AASS: variants seen among roughly 807,000 people sequenced by gnomAD.
AASS encodes the protein aminoadipate-semialdehyde synthase.
Under a neutral mutation model 105.4 loss-of-function variants are expected in AASS, and 86 were observed. The observed-to-expected ratio is 0.82, with a 90% confidence interval of 0.69 to 0.98. The LOEUF is 0.98. Ranked by LOEUF, AASS falls within the 50% of genes least tolerant of loss-of-function variation. The probability of loss-of-function intolerance (pLI) is 0.00; values close to 1 mark genes in which losing one functional copy is unlikely to be tolerated. For synonymous variants in AASS, 381 were observed against 394.8 expected (o/e 0.96, Z 0.41); for missense variants, 1,048 against 1,143.2 (o/e 0.92, Z 1.20).
At chr7:122,081,356 G>A in intron 20 of AASS, 144 bp downstream of exon 20, 2 of 759,070 alleles carry the variant, frequency 2.6e-6, no homozygotes, top group Non-Finnish European at 4.8e-6. Flanking sequence ...TGAAGGGAAA[G>A]GGGGCTTTGG....
At position 122,074,180 on chromosome 7, in the gene AASS, T is replaced by C. The variant is rs1192233260; in HGVS notation, c.*2309A>G. Among the ~76,000 whole-genome samples, 1 of 152,166 alleles carries C rather than the reference T, an allele frequency of 6.6e-6. No homozygotes were observed. Among genetic ancestry groups the C allele is most frequent in the African/African-American group, 2.4e-5 (1 of 41,476 alleles). On this transcript the variant is annotated 3_prime_UTR_variant, in exon 24 of 24. Transcript: ENST00000417368. Reference sequence around the variant, plus strand: ...GATTATATATCTATTCCAGTGAGTGTTAAGTGATATCTCATTGTAGATCTC... The same window carrying C: ...GATTATATATCTATTCCAGTGAGTGCTAAGTGATATCTCATTGTAGATCTC...
chr7:122,133,842 A>T (rs1160537309), intron 1 of AASS, 101 bp from the exon 2 acceptor site: 3 of 994,534 alleles, frequency 3.0e-6, no homozygotes, highest in Non-Finnish European at 4.7e-6. Context: ...ACCCGCTCTT[A>T]TGAAAACAGA....
At chr7:122,123,931 A>G (rs1371554135) in intron 4 of AASS, among the ~76,000 whole-genome samples, 4 of 152,168 alleles carry the variant, frequency 2.6e-5, no homozygotes, top group Non-Finnish European at 5.9e-5. Flanking sequence ...AAAGAACTGA[A>G]TCACTGTCCA....
At chr7:122,130,424 T>C (rs919332832) in intron 2 of AASS, among the ~76,000 whole-genome samples, 1 of 151,982 alleles carries the variant, frequency 6.6e-6, no homozygotes, top group African/African-American at 2.4e-5. Flanking sequence ...ACAAGACTTA[T>C]TGGGTAATAA....
chr7:122,132,568 T>G (rs1795961106), intron 2 of AASS, among the ~76,000 whole-genome samples: 1 of 152,158 alleles, frequency 6.6e-6, no homozygotes, highest in Admixed American at 6.5e-5. Flanking sequence ...TGTAACCACC[T>G]CAACCAAGTG....
At position 122,075,766 on chromosome 7, in the gene AASS, C is replaced by A. The variant is rs935172515; in HGVS notation, c.*723G>T. On this transcript the variant is annotated 3_prime_UTR_variant, in exon 24 of 24. Transcript: ENST00000417368. ...ACACTCAAGAGAAAACTATAAGGAACTATATTTACAAAATAAATCATAACT... is the reference window on the plus strand; with the variant it reads ...ACACTCAAGAGAAAACTATAAGGAAATATATTTACAAAATAAATCATAACT... 24 of 152,150 alleles carry A rather than the reference C, an allele frequency of 1.6e-4. No individual in the cohort carries two copies. Among genetic ancestry groups the A allele is most frequent in the African/African-American group, 5.5e-4 (23 of 41,510 alleles). 9.4% of individuals were successfully genotyped at this position (152,150 alleles called of 1,614,324 possible).
chr7:122,141,203 T>C (rs1168280913), intron 1 of AASS, among the ~76,000 whole-genome samples: 1 of 152,194 alleles, frequency 6.6e-6, no homozygotes, highest in Non-Finnish European at 1.5e-5. Flanking sequence ...TAAAATACTT[T>C]ACTGGATTAA....
chr7:122,104,425 G>A (rs1468098128), intron 11 of AASS, among the ~76,000 whole-genome samples: 3 of 151,938 alleles, frequency 2.0e-5, no homozygotes, highest in Non-Finnish European at 4.4e-5. Flanking sequence ...GTGAAACCCT[G>A]TCTCTACTAA....
chr7:122,113,106 C>G lies in AASS; in HGVS notation c.1278+12G>C. The G allele has an allele frequency of 6.3e-7, 1 of 1,596,054 alleles. No individual in the cohort carries two copies. The highest frequency in any genetic ancestry group is 1.7e-5 in the Admixed American group (1 of 59,978). ...GCCACAGAGTTGTTACTGATATTAC[C>G]AGTCTGCTTACCATTTCTTCAACAT... is the stretch of plus-strand genomic sequence containing the variant. On this transcript the variant is annotated intron_variant, in intron 11 of 23. Coordinates refer to ENST00000417368, the MANE Select transcript of AASS (RefSeq NM_005763.4).
chr7:122,126,501 T>C (rs750454443), intron 3 of AASS, 42 bp from the exon 4 acceptor site: 7 of 1,524,320 alleles, frequency 4.6e-6, no homozygotes, highest in Non-Finnish European at 6.4e-6. Context: ...CCCATTAAGC[T>C]TAATTTTAAC....
chr7:122,098,055 T>C (rs1214200239), intron 15 of AASS, among the ~76,000 whole-genome samples: 1 of 151,962 alleles, frequency 6.6e-6, no homozygotes, highest in Non-Finnish European at 1.5e-5. Flanking sequence ...ACTCTTGTAA[T>C]CACAACATTG....
intron 4 of AASS, among the ~76,000 whole-genome samples, chr7:122,124,364 C>A (rs544430251): frequency 6.6e-6 from 1 of 152,104 alleles, no homozygotes. Flanking sequence ...CTTCCTGCAA[C>A]CTCCACCTCT....
chr7:122,093,181 T>C (rs771347115), intron 15 of AASS, 23 bp from the exon 16 acceptor site: 2 of 1,535,288 alleles, frequency 1.3e-6, no homozygotes, highest in Admixed American at 1.7e-5. Context: ...AAGAAACTAA[T>C]CAGAAACTCC....
chr7:122,107,950 C>A (rs1170324662), intron 11 of AASS, among the ~76,000 whole-genome samples: 16 of 107,886 alleles, frequency 1.5e-4, no homozygotes, highest in Admixed American at 2.9e-4. Context: ...ACCCACAACT[C>A]AAAAAAAAAA....
Position 122,081,575 on chromosome 7 carries a change from A to T in AASS, c.2205T>A (p.Asn735Lys), listed in dbSNP as rs1335856260. Reference sequence around the variant, plus strand: ...TTATAAGACCTAATTTTACAAATCCATTCAAAGCTTTCATATATCCCTGAA... The same window carrying T: ...TTATAAGACCTAATTTTACAAATCCTTTCAAAGCTTTCATATATCCCTGAA... ...LRYKGYMKAL[N>K]GFVKLGLINR... Residue 735 changes from asparagine (N) to lysine (K), a missense_variant, in exon 20 of 24, where the codon AAT becomes AAA. Physicochemically the swap from Asn to Lys is moderately conservative, Grantham distance 94. Transcript: ENST00000417368. 1 of 1,613,646 alleles carries T rather than the reference A, an allele frequency of 6.2e-7. No individual in the cohort carries two copies. Among genetic ancestry groups the T allele is most frequent in the South Asian group, 1.1e-5 (1 of 91,076 alleles).
intron 19 of AASS, chr7:122,082,794 G>A: frequency 7.8e-7 from 1 of 1,286,386 alleles, no homozygotes; most frequent in Non-Finnish European, 1.0e-6. Flanking sequence ...TCACATAGAT[G>A]GGGCTGGGTG....
At position 122,101,418 on chromosome 7, in the gene AASS, A is replaced by G. The variant is rs778445624; in HGVS notation, c.1359T>C (p.Gly453=). Residue 453 remains glycine (G), a synonymous_variant, in exon 13 of 24, where the codon GGT becomes GGC. Coordinates refer to ENST00000417368, the MANE Select transcript of AASS (RefSeq NM_005763.4). ...VVRDAVITSN[G]TLPDKYKYIQ... ...TATATTTATATTTATCAGGTAATGT[A>G]CCGTTGGATGTAATCACTGCCTAAA... is the stretch of plus-strand genomic sequence containing the variant. The G allele has an allele frequency of 3.1e-6, 5 of 1,610,600 alleles. No homozygotes were observed. The highest frequency in any genetic ancestry group is 2.2e-5 in the East Asian group (1 of 44,782).
chr7:122,098,407 A>G (rs761406603), intron 15 of AASS, 43 bp downstream of exon 15: 1 of 1,608,680 alleles, frequency 6.2e-7, no homozygotes, highest in African/African-American at 1.3e-5. Context: ...GAGAAAAGAA[A>G]TAACAACAAA....
chr7:122,079,502 C>G, intron 21 of AASS, 95 bp downstream of exon 21: 1 of 1,146,782 alleles, frequency 8.7e-7, no homozygotes, highest in Non-Finnish European at 1.3e-6. Context: ...ACGAATTAAT[C>G]AAAGACAAAT....
Sources: allele counts gnomAD v4.1 joint callset (sites outside exome capture counted in the v4.1 genomes callset), GRCh38; gene constraint gnomAD v4.1.1; transcripts MANE v1.5; gene names NCBI Gene and HGNC (gene_info 2026-07-23, HGNC 2026-07-21).